Variants in TTLL5 observed in about 807,000 individuals in gnomAD.
The protein encoded by TTLL5 is tubulin polyglutamylase TTLL5.
In TTLL5, 132 loss-of-function variants were observed where a neutral mutation model predicts 168.4. The ratio of observed to expected loss-of-function variants is 0.78; its 90% CI spans 0.68 to 0.91. The LOEUF is 0.91. TTLL5 is among the 40% of genes least tolerant of loss of function. TTLL5 has a pLI of 0.00. For synonymous variants in TTLL5, 546 were observed against 558.6 expected, an observed-to-expected ratio of 0.98 and a Z score of 0.32; for missense variants, 1,545 against 1,581.5, an observed-to-expected ratio of 0.98 and a Z score of 0.39.
chr14:75,831,151 G>T (rs191584733), intron 28 of TTLL5, among the ~76,000 whole-genome samples: 29 of 152,294 alleles, frequency 1.9e-4, no homozygotes, highest in Non-Finnish European at 3.8e-4. Context: ...ATGTAATAAA[G>T]ACTCAAACTT....
chr14:75,737,458 C>T, intron 15 of TTLL5: 1 of 1,154,388 alleles, frequency 8.7e-7, no homozygotes, highest in Non-Finnish European at 1.2e-6. Flanking sequence ...CTTTTGGTTT[C>T]TGCTTGGAGA....
At chr14:75,944,243 C>T (rs570502620) in intron 31 of TTLL5, among the ~76,000 whole-genome samples, 3 of 152,294 alleles carry the variant, frequency 2.0e-5, no homozygotes, top group South Asian at 2.1e-4. Flanking sequence ...GGATACCTTC[C>T]GCCGGTAACA....
At chr14:75,807,526 C>T (rs1328358130) in intron 27 of TTLL5, among the ~76,000 whole-genome samples, 1 of 152,226 alleles carries the variant, frequency 6.6e-6, no homozygotes, top group Non-Finnish European at 1.5e-5. Context: ...TTGTACTAGG[C>T]ACTGTGCCAA....
chr14:75,812,412 A>T (rs1247901641), intron 27 of TTLL5, among the ~76,000 whole-genome samples: 1 of 152,090 alleles, frequency 6.6e-6, no homozygotes, highest in Non-Finnish European at 1.5e-5. Context: ...TTTAGGCTTA[A>T]ATTTCTTGTT....
In TTLL5 at chr14:75,760,472, A is replaced by G. The variant is rs1387128521; in HGVS notation, c.1551-4143A>G. 3.3e-5 allele frequency among the ~76,000 whole-genome samples: 5 copies of G among 152,036 alleles called. No homozygotes were observed. In the South Asian group the frequency reaches 8.3e-4, roughly 25 times the overall value. ...TCATTATTCTGGTAGATTTTTTTAA[A>G]AGGAACAGACCAACATTTAAAAATT... is the stretch of plus-strand genomic sequence containing the variant. On this transcript the variant is annotated intron_variant, in intron 18 of 31. Transcript: ENST00000298832.
intron 31 of TTLL5, among the ~76,000 whole-genome samples, chr14:75,917,784 G>A (rs1025946937): frequency 1.3e-5 from 2 of 152,210 alleles, no homozygotes; most frequent in African/African-American, 4.8e-5. Context: ...GCAGCAGAGG[G>A]TGGAGCTGAA....
chr14:75,772,168 A>C (rs919428591), intron 21 of TTLL5, among the ~76,000 whole-genome samples: 4 of 152,200 alleles, frequency 2.6e-5, no homozygotes, highest in African/African-American at 9.6e-5. Flanking sequence ...AAAGCCCTTT[A>C]AAAGAATAAC....
chr14:75,941,200 A>C (rs2140193724), intron 31 of TTLL5, among the ~76,000 whole-genome samples: 1 of 152,318 alleles, frequency 6.6e-6, no homozygotes, highest in Non-Finnish European at 1.5e-5. Flanking sequence ...GCTCTGAACA[A>C]ACCCCTTGCA....
chr14:75,794,232 T>C (rs1055246821), intron 27 of TTLL5, among the ~76,000 whole-genome samples: 2 of 150,882 alleles, frequency 1.3e-5, no homozygotes, highest in African/African-American at 4.9e-5. Context: ...TTGGAGGGAG[T>C]TGGGTAGTTA....
intron 31 of TTLL5, among the ~76,000 whole-genome samples, chr14:75,928,527 A>G (rs532622453): frequency 6.6e-6 from 1 of 151,934 alleles, no homozygotes; most frequent in Non-Finnish European, 1.5e-5. Flanking sequence ...AGAGAGCATT[A>G]GAATTAAACT....
intron 29 of TTLL5, among the ~76,000 whole-genome samples, chr14:75,868,832 G>A (rs1250435289): frequency 6.6e-6 from 1 of 152,104 alleles, no homozygotes; most frequent in Non-Finnish European, 1.5e-5. Flanking sequence ...GGAGGGGAGG[G>A]GAAAGAAAGA....
chr14:75,808,852 C>T (rs968426343), intron 27 of TTLL5, among the ~76,000 whole-genome samples: 4 of 152,010 alleles, frequency 2.6e-5, no homozygotes, highest in South Asian at 2.1e-4. Flanking sequence ...TCTCGAACTC[C>T]TGGGCTCAAG....
At chr14:75,937,822 G>T (rs541948302) in intron 31 of TTLL5, among the ~76,000 whole-genome samples, 60 of 152,324 alleles carry the variant, frequency 3.9e-4, no homozygotes, top group African/African-American at 1.4e-3. Flanking sequence ...GAACATGGGT[G>T]TGCAAATATA....
chr14:75,780,988 G>A (rs868711534), intron 24 of TTLL5, among the ~76,000 whole-genome samples: 1 of 152,152 alleles, frequency 6.6e-6, no homozygotes, highest in South Asian at 2.1e-4. Context: ...TAAAAGTCAG[G>A]TGAGTGAATA....
chr14:75,891,265 T>C (rs2032388512), intron 30 of TTLL5, among the ~76,000 whole-genome samples: 1 of 152,192 alleles, frequency 6.6e-6, no homozygotes, highest in Non-Finnish European at 1.5e-5. Flanking sequence ...TAATTCAAGA[T>C]TGGGTTTTAG....
rs749224596 is a variant in TTLL5 at position 75,737,578 on chromosome 14, GCA to G, written c.1281+2292_1281+2293del. ...CTGTCTTTTATAGCGTCCAGTATCT[GCA>G]CAGTTTCAGTCGTCAAAGGCCAAGC... is the stretch of plus-strand genomic sequence containing the variant. On this transcript the variant is annotated intron_variant, in intron 15 of 31. Transcript: ENST00000298832. The G allele has an allele frequency of 5.9e-6, 9 of 1,535,508 alleles. No individual in the cohort carries two copies. The South Asian group carries it at 7.1e-5, about 12-fold the overall frequency.
At chr14:75,832,787 A>G (rs1895648120) in intron 28 of TTLL5, among the ~76,000 whole-genome samples, 1 of 152,210 alleles carries the variant, frequency 6.6e-6, no homozygotes, top group Non-Finnish European at 1.5e-5. Flanking sequence ...TTAGTTTGGC[A>G]CAGGTTTAAA....
intron 9 of TTLL5, chr14:75,711,428 G>GATCCAGTATTGGGTTTAGATGA (rs1266799318): frequency 1.3e-5 from 2 of 152,164 alleles, no homozygotes; most frequent in African/African-American, 4.8e-5. Context: ...GCTTTAGGTG[G>GATCCAGTATTGGGTTTAGATGA]ATCCAGTATT....
intron 21 of TTLL5, among the ~76,000 whole-genome samples, chr14:75,774,679 CT>C (rs1282130635): frequency 6.6e-6 from 1 of 151,984 alleles, no homozygotes; most frequent in Non-Finnish European, 1.5e-5. Flanking sequence ...GCACTATTTT[CT>C]CTTAATTTTC....
Sources: allele counts gnomAD v4.1 joint callset (sites outside exome capture counted in the v4.1 genomes callset), GRCh38; gene constraint gnomAD v4.1.1; transcripts MANE v1.5; gene names NCBI Gene and HGNC (gene_info 2026-07-23, HGNC 2026-07-21).